HYKK: variants seen among roughly 807,000 people sequenced by gnomAD.
HYKK encodes hydroxylysine kinase, also known as 5-hydroxy-L-lysine kinase.
In HYKK, 19 loss-of-function variants were observed where a neutral mutation model predicts 29.7. The observed-to-expected ratio is 0.64, with a 90% CI of 0.45 to 0.94. The LOEUF (loss-of-function observed/expected upper bound fraction) is 0.94, where lower values mean the gene tolerates loss of function less well. Ranked by LOEUF, HYKK falls within the 40% of genes least tolerant of loss-of-function variation. HYKK has a pLI of 0.00. For synonymous variants in HYKK, 152 were observed against 158.1 expected (o/e 0.96, Z 0.29); for missense variants, 390 against 443.4 (o/e 0.88, Z 1.08).
chr15:78,512,578 T>C (rs1352734957), intron 1 of HYKK, among the ~76,000 whole-genome samples: 5 of 151,752 alleles, frequency 3.3e-5, no homozygotes, highest in African/African-American at 1.2e-4. Context: ...ATTTTTGTAT[T>C]ATCAGTAGAG....
intron 4 of HYKK, chr15:78,528,622 G>C (rs141931699): frequency 0.014 from 7,522 of 547,418 alleles, 164 homozygotes; most frequent in East Asian, 0.096. Context: ...GGCCAACGTG[G>C]TGAAACCCTG....
chr15:78,517,231 C>T (rs911578751), intron 3 of HYKK, among the ~76,000 whole-genome samples: 9 of 150,604 alleles, frequency 6.0e-5, no homozygotes, highest in Non-Finnish European at 1.2e-4. Flanking sequence ...GCCATCAGAT[C>T]GTCCCTCTGA....
chr15:78,527,460 A>G lies in HYKK; in HGVS notation c.558A>G (p.Lys186=). 1 of 1,614,166 alleles carries G rather than the reference A, an allele frequency of 6.2e-7. No homozygotes were observed. Reference sequence around the variant, plus strand: ...TGAAAAATGTTCCTCTTCTGGAGAAATACCTGTATGCCCTGGGCCAGAATC... The same window carrying G: ...TGAAAAATGTTCCTCTTCTGGAGAAGTACCTGTATGCCCTGGGCCAGAATC... The part of the protein sequence containing the change: ...WNLKNVPLLE[K]YLYALGQNRN... Residue 186 remains lysine (K), a synonymous_variant, in exon 4 of 5, where the codon AAA becomes AAG. Transcript: ENST00000388988.
rs71148531 is a variant in HYKK at position 78,508,880 on chromosome 15, C to CAAAAAAAAAAAAAA, written c.-6+1216_-6+1229dup. On this transcript the variant is annotated intron_variant, in intron 1 of 4. Transcript: ENST00000388988. ...GCAACATAGTGGGACCCTCTCTCTC[C>CAAAAAAAAAAAAAA]AAAAAAAAAAAAAAAAAAAAGGCCA... Among the ~76,000 whole-genome samples the CAAAAAAAAAAAAAA allele has an allele frequency of 1.5e-3, 82 of 55,598 alleles. 14 individuals carry two copies. Among genetic ancestry groups the CAAAAAAAAAAAAAA allele is most frequent in the African/African-American group, 3.4e-3 (46 of 13,538 alleles). 36.5% of individuals were successfully genotyped at this position (55,598 alleles called of 152,430 possible).
Position 78,533,633 on chromosome 15 carries a change from A to G in HYKK, c.1085A>G (p.Glu362Gly). 1 of 1,614,198 alleles carries G rather than the reference A, an allele frequency of 6.2e-7. No homozygotes were observed. Among genetic ancestry groups the G allele is most frequent in the Non-Finnish European group, 8.5e-7 (1 of 1,180,004 alleles). ...GQKAVEEIWF[E>G]TAKSYESGIS... is the part of the protein sequence containing the mutation. ...AAAGCTGTAGAAGAAATCTGGTTTG[A>G]AACTGCCAAATCCTATGAATCTGGG... is the stretch of plus-strand genomic sequence containing the variant. The change falls in exon 5 of 5, where the codon GAA (glutamate) becomes GGA (glycine). Residue 362 changes from glutamate to glycine, a missense_variant. Physicochemically the swap from Glu to Gly is moderately conservative, Grantham distance 98. Coordinates refer to ENST00000388988, the MANE Select transcript of HYKK (RefSeq NM_001013619.4).
Position 78,533,915 on chromosome 15 carries a change from A to C in HYKK, c.*245A>C. 2.0e-6 allele frequency: 1 copy of C among 502,682 alleles called. No homozygotes were observed. Among genetic ancestry groups the C allele is most frequent in the Non-Finnish European group, 3.5e-6 (1 of 283,488 alleles). The allele number at this position is 502,682 out of a possible 1,614,324, so 31.1% of individuals were successfully genotyped here. On this transcript the variant is annotated 3_prime_UTR_variant, in exon 5 of 5. Transcript: ENST00000388988. Reference sequence around the variant, plus strand: ...TGAGTCTTACTTGCCATATCTATAAAACACATATAATGATACCATTTTGAA... The same window carrying C: ...TGAGTCTTACTTGCCATATCTATAACACACATATAATGATACCATTTTGAA...
intron 4 of HYKK, chr15:78,527,798 C>G (rs2052270645): frequency 1.7e-6 from 2 of 1,147,124 alleles, no homozygotes; most frequent in South Asian, 4.5e-5. Context: ...TTGCACATTA[C>G]ATATGTATGA....
chr15:78,530,204 T>A (rs80081374), intron 4 of HYKK, among the ~76,000 whole-genome samples: 321 of 2,708 alleles, frequency 0.12, 1 homozygote, highest in Admixed American at 0.19. Context: ...TTATTTATTT[T>A]TTTTTTTTTT....
At chr15:78,531,142 C>T (rs538211041) in intron 4 of HYKK, among the ~76,000 whole-genome samples, 15 of 152,230 alleles carry the variant, frequency 9.9e-5, no homozygotes, top group African/African-American at 3.6e-4. Context: ...GGATTACAGG[C>T]GTGAATCACC....
chr15:78,527,568 G>A lies in HYKK; in HGVS notation c.661+5G>A. On this transcript the variant is annotated splice_donor_5th_base_variant and intron_variant, in intron 4 of 4. Transcript: ENST00000388988. ...AATTAAGTCATTTTCGAGAATGTGA[G>A]TATTCTCCCAATTAAGTATTTTTCT... 2 of 1,611,308 alleles carry A rather than the reference G, an allele frequency of 1.2e-6. No individual in the cohort carries two copies. Among genetic ancestry groups the A allele is most frequent in the South Asian group, 1.1e-5 (1 of 90,996 alleles).
chr15:78,512,583 G>C (rs906718523), intron 1 of HYKK, among the ~76,000 whole-genome samples: 19 of 151,462 alleles, frequency 1.3e-4, no homozygotes, highest in African/African-American at 4.6e-4. Context: ...TGTATTATCA[G>C]TAGAGACAGG....
At chr15:78,536,801 G>A (rs1455101236), downstream of HYKK, among the ~76,000 whole-genome samples, 3 of 152,154 alleles carry the variant, frequency 2.0e-5, no homozygotes, top group East Asian at 1.9e-4. Context: ...ATGTCTGTGC[G>A]GAAGTTTCCA....
At chr15:78,508,727 C>T (rs2052039518) in intron 1 of HYKK, among the ~76,000 whole-genome samples, 1 of 151,786 alleles carries the variant, frequency 6.6e-6, no homozygotes, top group African/African-American at 2.4e-5. Flanking sequence ...TAGCGAGACA[C>T]TGTCTCTAAA....
At chr15:78,516,986 T>C (rs2141355943) in intron 3 of HYKK, among the ~76,000 whole-genome samples, 1 of 151,594 alleles carries the variant, frequency 6.6e-6, no homozygotes, top group East Asian at 2.0e-4. Flanking sequence ...ACCACTGCAC[T>C]CCAGCTTGGG....
Position 78,515,017 on chromosome 15 carries a change from C to T in HYKK, c.387C>T (p.Leu129=). 1 of 1,599,928 alleles carries T rather than the reference C, an allele frequency of 6.3e-7. No homozygotes were observed. Among genetic ancestry groups the T allele is most frequent in the East Asian group, 2.3e-5 (1 of 43,662 alleles). The change falls in exon 3 of 5, where the codon CTC becomes CTT. Residue 129 remains leucine, a synonymous_variant. Coordinates refer to ENST00000388988, the MANE Select transcript of HYKK (RefSeq NM_001013619.4). The part of the protein sequence containing the change: ...KSYLVRLLTY[L]PGRPIAELPV... ...ACTTGGTGAGGCTGCTGACTTACCT[C>T]CCAGGAAGACCCATCGCTGAGCTTC...
At chr15:78,530,651 T>C (rs555533017) in intron 4 of HYKK, among the ~76,000 whole-genome samples, 3 of 139,268 alleles carry the variant, frequency 2.2e-5, no homozygotes, top group Non-Finnish European at 5.0e-5. Context: ...TTTAACCTTA[T>C]TGAGCTAAAA....
chr15:78,531,621 T>A (rs531380978), intron 4 of HYKK, among the ~76,000 whole-genome samples: 181 of 152,278 alleles, frequency 1.2e-3, no homozygotes, highest in African/African-American at 3.7e-3. Context: ...AATCTCTGCA[T>A]CCCAGGTTCA....
chr15:78,524,192 A>C (rs775567281), intron 3 of HYKK, among the ~76,000 whole-genome samples: 27 of 152,348 alleles, frequency 1.8e-4, no homozygotes, highest in Non-Finnish European at 3.5e-4. Context: ...TTTCTGCCTG[A>C]ACATCCAGGC....
At chr15:78,520,368 A>T (rs866328541) in intron 3 of HYKK, among the ~76,000 whole-genome samples, 46 of 152,032 alleles carry the variant, frequency 3.0e-4, no homozygotes, top group African/African-American at 9.7e-4. Flanking sequence ...TGGTTTTCCT[A>T]GGCAGAGGAC....
Sources: allele counts gnomAD v4.1 joint callset (sites outside exome capture counted in the v4.1 genomes callset), GRCh38; gene constraint gnomAD v4.1.1; transcripts MANE v1.5; gene names NCBI Gene and HGNC (gene_info 2026-07-23, HGNC 2026-07-21).